The following SIK2 variants were observed in gnomAD, a reference collection of about 807,000 sequenced individuals.
The protein encoded by SIK2 is serine/threonine-protein kinase SIK2.
SIK2 carries 29 observed loss-of-function variants against 103.2 expected under a neutral mutation model. The ratio of observed to expected loss-of-function variants is 0.28; its 90% CI spans 0.21 to 0.38. The LOEUF (loss-of-function observed/expected upper bound fraction) is 0.38. Among genes scored for constraint, SIK2 ranks in the 10% least tolerant of loss-of-function variants. SIK2 has a pLI of 1.00. For missense variants in SIK2, 879 were observed against 1,171.0 expected (o/e 0.75, Z 3.64); for synonymous variants, 412 against 446.1 (o/e 0.92, Z 0.96).
Position 111,667,145 on chromosome 11 carries a change from C to T in SIK2, c.317-20856C>T, listed in dbSNP as rs181567495. Among the ~76,000 whole-genome samples, 1,013 of 151,936 alleles carry T rather than the reference C, an allele frequency of 6.7e-3. 8 individuals carry two copies. The highest frequency in any genetic ancestry group is 0.061 in the Middle Eastern group (18 of 294). On this transcript the variant is annotated intron_variant, in intron 3 of 14. Transcript: ENST00000304987. ...TGTATTTTTAGTAGAGATGGGGTTT[C>T]GACATGTTGGCCAGGCTGGTCTCAA...
intron 3 of SIK2, among the ~76,000 whole-genome samples, chr11:111,642,745 G>A (rs978621535): frequency 1.4e-5 from 2 of 147,728 alleles, no homozygotes; most frequent in East Asian, 1.9e-4. Context: ...GGTTCCTCTA[G>A]CAACCAGTGT....
chr11:111,646,842 A>G (rs932700251), intron 3 of SIK2, among the ~76,000 whole-genome samples: 1 of 152,190 alleles, frequency 6.6e-6, no homozygotes, highest in Admixed American at 6.5e-5. Flanking sequence ...CATTTGCCAC[A>G]ATTTGTTTAT....
In SIK2 at chr11:111,727,132, C is replaced by T; in HGVS notation, c.*3003C>T. ...CACATTCCCGGTGACACTGACCGTC[C>T]CCAGCTGCCCCCTCGCCACCTCTGC... On this transcript the variant is annotated 3_prime_UTR_variant, in exon 15 of 15. Transcript: ENST00000304987. The T allele has an allele frequency of 1.6e-6, 2 of 1,289,744 alleles. No individual in the cohort carries two copies. The highest frequency in any genetic ancestry group is 2.2e-6 in the Non-Finnish European group (2 of 893,152). 79.9% of individuals were successfully genotyped at this position (1,289,744 alleles called of 1,614,324 possible).
At chr11:111,679,121 G>A (rs1942745512) in intron 3 of SIK2, among the ~76,000 whole-genome samples, 1 of 152,110 alleles carries the variant, frequency 6.6e-6, no homozygotes, top group Non-Finnish European at 1.5e-5. Context: ...TGTGGAAAAT[G>A]TTTGAAGTCA....
At chr11:111,669,517 G>GA (rs1942594470) in intron 3 of SIK2, among the ~76,000 whole-genome samples, 13 of 152,056 alleles carry the variant, frequency 8.5e-5, no homozygotes, top group Middle Eastern at 6.8e-3. Context: ...AATCGCTTGA[G>GA]CCCAGGAGTT....
Position 111,723,623 on chromosome 11 carries a change from C to T in SIK2, c.2275C>T (p.Pro759Ser). Residue 759 changes from proline to serine, a missense_variant, in exon 15 of 15, where the codon CCA (proline) becomes TCA (serine). This residue lies in a region of SIK2 where 375 missense variants were observed against 416.3 expected (regional missense o/e 0.90). Coordinates refer to ENST00000304987, the MANE Select transcript of SIK2 (RefSeq NM_015191.3). ...GCTGCCCCTTCCCCGCCAGGAGACT[C>T]CACCGCCTTCTCAGCAGGCCCCACC... ...QQLPLPRQET[P>S]PPSQQAPPFS... The T allele has an allele frequency of 1.2e-6, 2 of 1,614,174 alleles. No individual in the cohort carries two copies. Among genetic ancestry groups the T allele is most frequent in the Non-Finnish European group, 1.7e-6 (2 of 1,180,026 alleles).
rs1371502192 is a variant in SIK2, at chr11:111,623,066, C to T, written c.316+2664C>T. ...TATTAAACTGTTTGAAATTGCCCCA[C>T]AGCTCACTGATGCTCTTTTCCATTT... On this transcript the variant is annotated intron_variant, in intron 3 of 14. Transcript: ENST00000304987. Among the ~76,000 whole-genome samples the T allele has an allele frequency of 2.0e-5, 3 of 152,360 alleles. No homozygotes were observed. The East Asian group carries it at 5.8e-4, about 29-fold the overall frequency.
intron 3 of SIK2, among the ~76,000 whole-genome samples, chr11:111,662,503 C>T (rs1224613241): frequency 3.3e-5 from 5 of 152,032 alleles, no homozygotes; most frequent in African/African-American, 4.8e-5. Context: ...AGTCCCAGCA[C>T]GTTGGAAGGC....
chr11:111,727,434 C>A lies in SIK2; in HGVS notation c.*3305C>A. 1 of 229,660 alleles carries A rather than the reference C, an allele frequency of 4.4e-6. No homozygotes were observed. The highest frequency in any genetic ancestry group is 8.6e-6 in the Non-Finnish European group (1 of 115,666). 14.2% of individuals were successfully genotyped at this position (229,660 alleles called of 1,614,324 possible). On this transcript the variant is annotated 3_prime_UTR_variant, in exon 15 of 15. Coordinates refer to ENST00000304987, the MANE Select transcript of SIK2 (RefSeq NM_015191.3). ...TCAGTGGTTGGGACAGACAGGAGCC[C>A]AAGACTGAAGCCAGCCCTTGCCTCT...
At position 111,703,294 on chromosome 11, in the gene SIK2, A is replaced by C; in HGVS notation, c.819A>C (p.Ile273=). ...AQIKEHKWML[I]EVPVQRPVLY... ...TCAAGGAGCATAAATGGATGCTCAT[A>C]GAAGTTCCTGTCCAGAGACCTGTTC... The change falls in exon 7 of 15, where the codon ATA becomes ATC. Residue 273 remains isoleucine, a synonymous_variant. Coordinates refer to ENST00000304987, the MANE Select transcript of SIK2 (RefSeq NM_015191.3). 1 of 1,614,210 alleles carries C rather than the reference A, an allele frequency of 6.2e-7. No individual in the cohort carries two copies.
intron 9 of SIK2, among the ~76,000 whole-genome samples, chr11:111,712,967 C>A (rs1285669579): frequency 6.6e-6 from 1 of 152,126 alleles, no homozygotes; most frequent in Non-Finnish European, 1.5e-5. Context: ...GAGTTCCAGA[C>A]CACCTTGGGC....
chr11:111,682,874 T>C (rs1202572301), intron 3 of SIK2, among the ~76,000 whole-genome samples: 1 of 152,198 alleles, frequency 6.6e-6, no homozygotes, highest in Non-Finnish European at 1.5e-5. Context: ...CTGTCAATAT[T>C]GAGTTTAAAT....
intron 3 of SIK2, among the ~76,000 whole-genome samples, chr11:111,633,220 A>G (rs1174098811): frequency 3.3e-5 from 5 of 152,316 alleles, no homozygotes; most frequent in African/African-American, 1.2e-4. Flanking sequence ...AGTTTTTCTC[A>G]ATTAATTCTA....
At chr11:111,683,886 A>G (rs182713355) in intron 3 of SIK2, among the ~76,000 whole-genome samples, 1 of 152,210 alleles carries the variant, frequency 6.6e-6, no homozygotes, top group Non-Finnish European at 1.5e-5. Flanking sequence ...ATTTGCAGCC[A>G]CATGTTTCTG....
chr11:111,675,589 C>A lies in SIK2; in HGVS notation c.317-12412C>A, dbSNP rs2135883947. Among the ~76,000 whole-genome samples the A allele has an allele frequency of 1.3e-5, 2 of 152,314 alleles. 1 individual carries two copies. Among genetic ancestry groups the A allele is most frequent in the Middle Eastern group, 6.8e-3 (2 of 294 alleles). On this transcript the variant is annotated intron_variant, in intron 3 of 14. Transcript: ENST00000304987. Reference sequence around the variant, plus strand: ...CAGTAAACACATCATAGTCAAGCCACTAGCTAATAAACTAGGGCTTGACTT... The same window carrying A: ...CAGTAAACACATCATAGTCAAGCCAATAGCTAATAAACTAGGGCTTGACTT...
At chr11:111,670,528 G>A (rs998692414) in intron 3 of SIK2, among the ~76,000 whole-genome samples, 2 of 152,116 alleles carry the variant, frequency 1.3e-5, no homozygotes, top group Non-Finnish European at 2.9e-5. Flanking sequence ...AAGTTTAATG[G>A]TCCGCAAAAT....
chr11:111,643,953 A>G (rs544509047), intron 3 of SIK2, among the ~76,000 whole-genome samples: 103 of 152,112 alleles, frequency 6.8e-4, no homozygotes, highest in Admixed American at 2.2e-3. Flanking sequence ...ACTGCACTCC[A>G]GTTGGGGTGA....
At chr11:111,679,430 A>C (rs1242862669) in intron 3 of SIK2, among the ~76,000 whole-genome samples, 1 of 152,240 alleles carries the variant, frequency 6.6e-6, no homozygotes, top group Non-Finnish European at 1.5e-5. Flanking sequence ...TTAAATTGCC[A>C]GAGTATACAC....
At chr11:111,669,403 ACTT>A (rs1942592788) in intron 3 of SIK2, among the ~76,000 whole-genome samples, 1 of 152,170 alleles carries the variant, frequency 6.6e-6, no homozygotes, top group Admixed American at 6.5e-5. Flanking sequence ...TATTTTTAAA[ACTT>A]CTTCATTTTA....
Sources: allele counts gnomAD v4.1 joint callset (sites outside exome capture counted in the v4.1 genomes callset), GRCh38; gene constraint gnomAD v4.1.1; regional missense constraint gnomAD v4.1.1; transcripts MANE v1.5; gene names NCBI Gene and HGNC (gene_info 2026-07-23, HGNC 2026-07-21).